The following STX5 variants were observed in gnomAD, a reference collection of about 807,000 sequenced individuals.
STX5 encodes syntaxin 5, also known as syntaxin-5.
STX5 carries 15 observed loss-of-function variants against 42.9 expected under a neutral mutation model. That is an observed-to-expected ratio of 0.35 (90% CI 0.23 to 0.54). The LOEUF (loss-of-function observed/expected upper bound fraction) is 0.54, where lower values mean the gene tolerates loss of function less well. Among genes scored for constraint, STX5 ranks in the 20% least tolerant of loss-of-function variants. STX5 has a pLI of 0.91. For synonymous variants in STX5, 184 were observed against 173.2 expected (o/e 1.06, Z -0.49); for missense variants, 430 against 455.0 (o/e 0.95, Z 0.50).
rs1204297701 is a variant in STX5, at chr11:62,825,047, G to C, written c.668C>G (p.Pro223Arg). Residue 223 changes from proline (P) to arginine (R), a missense_variant, in exon 8 of 11, where the codon CCT becomes CGT. Coordinates refer to ENST00000294179, the MANE Select transcript of STX5 (RefSeq NM_003164.5). ...RAPVSALPLA[P>R]NHLGGGAVVL... ...TACCTGTGACTTACCCAGGTGGTTA[G>C]GGGCAAGGGGCAGGGCTGACACAGG... The C allele has an allele frequency of 1.9e-6, 3 of 1,613,918 alleles. No homozygotes were observed. The highest frequency in any genetic ancestry group is 3.3e-5 in the Admixed American group (2 of 60,008).
rs557426748 is a variant in STX5 at position 62,830,756 on chromosome 11, G to T, written c.225+263C>A. Among the ~76,000 whole-genome samples the T allele has an allele frequency of 5.0e-4, 76 of 152,188 alleles. 1 individual carries two copies. Among genetic ancestry groups the T allele is most frequent in the African/African-American group, 1.7e-3 (70 of 41,530 alleles). On this transcript the variant is annotated intron_variant, in intron 2 of 10. Coordinates refer to ENST00000294179, the MANE Select transcript of STX5 (RefSeq NM_003164.5). Reference sequence around the variant, plus strand: ...CCTTATTCACACCAATTATATTGCAGCCAAGTACTCTCTGAAGTACTCCCT... The same window carrying T: ...CCTTATTCACACCAATTATATTGCATCCAAGTACTCTCTGAAGTACTCCCT...
chr11:62,807,711 A>G, intron 10 of STX5, 83 bp from the exon 11 acceptor site: 1 of 1,567,270 alleles, frequency 6.4e-7, no homozygotes, highest in South Asian at 1.2e-5. Context: ...TTGACATGGA[A>G]AGATGGTCAC....
intron 10 of STX5, among the ~76,000 whole-genome samples, chr11:62,809,673 C>CAAAAAAAA (rs749188946): frequency 1.1e-3 from 21 of 19,190 alleles, no homozygotes; most frequent in South Asian, 4.7e-3. Context: ...GACTCTGTCT[C>CAAAAAAAA]AAAAAAAAAA....
In STX5 at chr11:62,825,516, T is replaced by C; in HGVS notation, c.447A>G (p.Gln149=). Residue 149 remains glutamine (Q), a synonymous_variant, in exon 6 of 11, where the codon CAA becomes CAG. Transcript: ENST00000294179. ...TCACGAAATCCTGGAGCTGAGCAATTTGTTTGTTGAGGCTATTGATGTCCT... is the reference window on the plus strand; with the variant it reads ...TCACGAAATCCTGGAGCTGAGCAATCTGTTTGTTGAGGCTATTGATGTCCT... ...IKQDINSLNK[Q]IAQLQDFVRA... 1 of 1,613,722 alleles carries C rather than the reference T, an allele frequency of 6.2e-7. No homozygotes were observed. Among genetic ancestry groups the C allele is most frequent in the African/African-American group, 1.3e-5 (1 of 75,012 alleles).
At position 62,822,670 on chromosome 11, in the gene STX5, A is replaced by T. The variant is rs1378655184; in HGVS notation, c.908+1496T>A. 5.5e-5 allele frequency among the ~76,000 whole-genome samples: 8 copies of T among 144,372 alleles called. No homozygotes were observed. In the South Asian group the frequency reaches 1.3e-3, roughly 24 times the overall value. 94.7% of individuals were successfully genotyped at this position (144,372 alleles called of 152,430 possible). On this transcript the variant is annotated intron_variant, in intron 10 of 10. Coordinates refer to ENST00000294179, the MANE Select transcript of STX5 (RefSeq NM_003164.5). ...CTCCTGATTAGTTTATCCTGTGTTG[A>T]CTATCTTTTTTTTTTTTTTTGGCAT... is the stretch of plus-strand genomic sequence containing the variant.
chr11:62,812,402 C>T (rs746503061), intron 10 of STX5, among the ~76,000 whole-genome samples: 3 of 151,620 alleles, frequency 2.0e-5, no homozygotes, highest in Non-Finnish European at 2.9e-5. Context: ...AATTCTGTTT[C>T]ACTGACTCTA....
chr11:62,814,978 A>G (rs2084657753), intron 10 of STX5, among the ~76,000 whole-genome samples: 1 of 152,052 alleles, frequency 6.6e-6, no homozygotes, highest in South Asian at 2.1e-4. Flanking sequence ...ACATATTAGG[A>G]AATAGTTAAT....
intron 10 of STX5, among the ~76,000 whole-genome samples, chr11:62,810,395 T>C (rs530462345): frequency 8.5e-5 from 13 of 152,324 alleles, no homozygotes; most frequent in African/African-American, 2.6e-4. Flanking sequence ...TGAGCCATTA[T>C]TGCGCTACTG....
Position 62,831,275 on chromosome 11 carries a change from G to A in STX5, c.-19-13C>T, listed in dbSNP as rs759440463. 111 of 1,529,120 alleles carry A rather than the reference G, an allele frequency of 7.3e-5. No homozygotes were observed. The highest frequency in any genetic ancestry group is 9.4e-5 in the Non-Finnish European group (106 of 1,126,994). 94.7% of individuals were successfully genotyped at this position (1,529,120 alleles called of 1,614,324 possible). A position where few individuals can be genotyped will look rare whatever the true frequency, so the allele number is the denominator to read the frequency against. Reference sequence around the variant, plus strand: ...GCATAACCTCGGACTGTTGTGGAGGGGAGAGTGTCATTCCCCAGGCAACTT... The same window carrying A: ...GCATAACCTCGGACTGTTGTGGAGGAGAGAGTGTCATTCCCCAGGCAACTT... On this transcript the variant is annotated splice_polypyrimidine_tract_variant and intron_variant, in intron 1 of 10. Transcript: ENST00000294179.
At chr11:62,824,712 C>A in intron 8 of STX5, 147 bp from the exon 9 acceptor site, 3 of 725,524 alleles carry the variant, frequency 4.1e-6, no homozygotes, top group South Asian at 1.7e-5. Flanking sequence ...TCAGTTTCCT[C>A]ACCTGTAAAA....
rs1007318802 is a variant in STX5, at chr11:62,816,906, G to A, written c.908+7260C>T. ...AAGACTCTGTCTCAAAAAAAAGAAAGAAAGAGCTGTCTATTCATCTATTCC... is the reference window on the plus strand; with the variant it reads ...AAGACTCTGTCTCAAAAAAAAGAAAAAAAGAGCTGTCTATTCATCTATTCC... On this transcript the variant is annotated intron_variant, in intron 10 of 10. Coordinates refer to ENST00000294179, the MANE Select transcript of STX5 (RefSeq NM_003164.5). Among the ~76,000 whole-genome samples the A allele has an allele frequency of 2.6e-5, 4 of 151,074 alleles. No individual in the cohort carries two copies. The East Asian group carries it at 7.9e-4, about 30-fold the overall frequency.
Position 62,825,114 on chromosome 11 carries a change from G to C in STX5, c.601C>G (p.Leu201Val). Residue 201 changes from leucine (L) to valine (V), a missense_variant, in exon 8 of 11, where the codon CTG (leucine) becomes GTG (valine). Transcript: ENST00000294179. The stretch of plus-strand genomic sequence containing the variant: ...TCTCTCCGGCTCCTCTGCTGCTTCA[G>C]GTTCTGGGGTTGGGGAAAAACGCAA... ...KSVLEVRTEN[L>V]KQQRSRREQF... 1.9e-6 allele frequency: 3 copies of C among 1,613,118 alleles called. No individual in the cohort carries two copies. The highest frequency in any genetic ancestry group is 2.5e-6 in the Non-Finnish European group (3 of 1,180,008).
At chr11:62,825,194 C>G (rs543911924) in intron 7 of STX5, 77 bp from the exon 8 acceptor site, 1 of 1,611,454 alleles carries the variant, frequency 6.2e-7, no homozygotes, top group South Asian at 1.1e-5. Flanking sequence ...ACCATTGGCC[C>G]CATGACCCTG....
chr11:62,815,504 G>C (rs2084663865), intron 10 of STX5, among the ~76,000 whole-genome samples: 1 of 150,520 alleles, frequency 6.6e-6, no homozygotes, highest in African/African-American at 2.4e-5. Flanking sequence ...TTAGGAAATC[G>C]CTAATTTTCA....
At chr11:62,823,459 G>A (rs1296916629) in intron 10 of STX5, among the ~76,000 whole-genome samples, 6 of 151,938 alleles carry the variant, frequency 3.9e-5, no homozygotes, top group East Asian at 3.9e-4. Context: ...GTAAGCCACC[G>A]TACCCATCCA....
chr11:62,828,147 C>T (rs528208389), intron 2 of STX5, among the ~76,000 whole-genome samples: 1 of 151,988 alleles, frequency 6.6e-6, no homozygotes, highest in South Asian at 2.1e-4. Context: ...CAGGGTCTCA[C>T]TCTGTCTCCC....
chr11:62,817,895 G>A (rs2084693015), intron 10 of STX5, among the ~76,000 whole-genome samples: 1 of 152,056 alleles, frequency 6.6e-6, no homozygotes, highest in Non-Finnish European at 1.5e-5. Context: ...ATTTCCAGAT[G>A]GTAAGGACAG....
intron 10 of STX5, among the ~76,000 whole-genome samples, chr11:62,815,545 T>A (rs527892007): frequency 2.3e-4 from 35 of 151,616 alleles, no homozygotes; most frequent in Non-Finnish European, 4.7e-4. Context: ...TTTTTTTTTT[T>A]TTATTTTTTG....
intron 10 of STX5, among the ~76,000 whole-genome samples, chr11:62,822,079 T>C (rs909054277): frequency 9.2e-5 from 14 of 151,632 alleles, no homozygotes; most frequent in African/African-American, 3.1e-4. Context: ...TTAAATGTAT[T>C]TGGCCAGTTG....
Sources: allele counts gnomAD v4.1 joint callset (sites outside exome capture counted in the v4.1 genomes callset), GRCh38; gene constraint gnomAD v4.1.1; transcripts MANE v1.5; gene names NCBI Gene and HGNC (gene_info 2026-07-23, HGNC 2026-07-21).